Variants in MME observed in about 807,000 individuals in gnomAD.
The protein encoded by MME is neprilysin.
In MME, 98 loss-of-function variants were observed where a neutral mutation model predicts 113.2. The ratio of observed to expected loss-of-function variants is 0.87; its 90% CI spans 0.74 to 1.02. The LOEUF (loss-of-function observed/expected upper bound fraction) is 1.02. Among genes scored for constraint, MME ranks in the 50% least tolerant of loss-of-function variants. MME has a pLI of 0.00. For synonymous variants in MME, 292 were observed against 300.6 expected (o/e 0.97, Z 0.30); for missense variants, 836 against 896.0 (o/e 0.93, Z 0.86).
At chr3:155,106,284 G>A (rs1717677264) in intron 3 of MME, among the ~76,000 whole-genome samples, 1 of 152,192 alleles carries the variant, frequency 6.6e-6, no homozygotes, top group African/African-American at 2.4e-5. Flanking sequence ...CGTAACCAGT[G>A]GTTGACAGGG....
rs1299547962 is a variant in MME at position 155,181,284 on chromosome 3, A to G, written c.*825A>G. The G allele has an allele frequency of 6.6e-6, 1 of 152,118 alleles. No homozygotes were observed. The highest frequency in any genetic ancestry group is 1.5e-5 in the Non-Finnish European group (1 of 68,022). The allele number at this position is 152,118 out of a possible 1,614,324, so 9.4% of individuals were successfully genotyped here. On this transcript the variant is annotated 3_prime_UTR_variant, in exon 23 of 23. Coordinates refer to ENST00000360490, the MANE Select transcript of MME (RefSeq NM_007289.4). ...ATGAATATTGAAGTTTCAGCTTAAA[A>G]TAAACAGTTGTGAACCAAGATCTAT...
intron 1 of MME, chr3:155,083,895 G>C: frequency 2.4e-6 from 1 of 409,254 alleles, no homozygotes; most frequent in East Asian, 5.2e-5. Flanking sequence ...GTCTAATTTT[G>C]CTGAGATTTT....
intron 20 of MME, among the ~76,000 whole-genome samples, chr3:155,171,325 C>T (rs1233785512): frequency 1.3e-5 from 2 of 152,074 alleles, no homozygotes; most frequent in Non-Finnish European, 2.9e-5. Context: ...AGTAGAGGTT[C>T]AATAAGTCTA....
chr3:155,118,856 G>T (rs535557269), intron 8 of MME, 45 bp downstream of exon 8: 30 of 1,192,916 alleles, frequency 2.5e-5, no homozygotes, highest in East Asian at 2.2e-4. Flanking sequence ...AAAATGATCT[G>T]GTGTAAACCT....
At chr3:155,159,349 A>G (rs1399279932) in intron 16 of MME, among the ~76,000 whole-genome samples, 2 of 152,046 alleles carry the variant, frequency 1.3e-5, no homozygotes, top group Non-Finnish European at 2.9e-5. Flanking sequence ...GAACAACTGC[A>G]GTGAAGCCAT....
intron 8 of MME, among the ~76,000 whole-genome samples, chr3:155,134,793 G>A (rs1209468005): frequency 1.3e-5 from 2 of 152,078 alleles, no homozygotes; most frequent in Admixed American, 1.3e-4. Context: ...AGCCTCACCA[G>A]CATCTGTTCA....
In MME at chr3:155,180,520, T is replaced by C. The variant is rs1041454798; in HGVS notation, c.*61T>C. 29 of 1,336,300 alleles carry C rather than the reference T, an allele frequency of 2.2e-5. No individual in the cohort carries two copies. Among genetic ancestry groups the C allele is most frequent in the Non-Finnish European group, 3.0e-5 (28 of 927,910 alleles). 82.8% of individuals were successfully genotyped at this position (1,336,300 alleles called of 1,614,324 possible). On this transcript the variant is annotated 3_prime_UTR_variant, in exon 23 of 23. Transcript: ENST00000360490. Reference sequence around the variant, plus strand: ...TGCCAACACCACAGAAATGGGGAATTCTCTAATCGAAAGAAAATGGGCCCT... The same window carrying C: ...TGCCAACACCACAGAAATGGGGAATCCTCTAATCGAAAGAAAATGGGCCCT...
At chr3:155,056,578 T>G (rs1006115850) in intron 1 of MME, among the ~76,000 whole-genome samples, 8 of 150,864 alleles carry the variant, frequency 5.3e-5, no homozygotes, top group Admixed American at 4.6e-4. Context: ...AGTCTATCAT[T>G]GTTGGACATT....
At position 155,166,969 on chromosome 3, in the gene MME, G is replaced by A. The variant is rs1484172889; in HGVS notation, c.1728G>A (p.Gly576=). ...SAQQSNSLNY[G]GIGMVIGHEI... ...AGCAGTCCAACTCATTGAACTATGGGGGCATCGGCATGGTCATAGGACACG... is the reference window on the plus strand; with the variant it reads ...AGCAGTCCAACTCATTGAACTATGGAGGCATCGGCATGGTCATAGGACACG... The change falls in exon 18 of 23, where the codon GGG becomes GGA. Residue 576 remains glycine (G), a synonymous_variant. Transcript: ENST00000360490. The A allele has an allele frequency of 6.2e-7, 1 of 1,613,732 alleles. No homozygotes were observed. The highest frequency in any genetic ancestry group is 8.5e-7 in the Non-Finnish European group (1 of 1,179,772).
intron 17 of MME, among the ~76,000 whole-genome samples, chr3:155,164,914 A>G (rs1722978846): frequency 6.6e-6 from 1 of 152,158 alleles, no homozygotes; most frequent in Non-Finnish European, 1.5e-5. Flanking sequence ...AATTGCTCAG[A>G]TGCTTTTTGA....
In MME at chr3:155,125,793, G is replaced by A. The variant is rs938785933; in HGVS notation, c.720+6982G>A. On this transcript the variant is annotated intron_variant, in intron 8 of 22. Transcript: ENST00000360490. The stretch of plus-strand genomic sequence containing the variant: ...TTCTTACAGAAAGTAAGGAACAGCA[G>A]GAGACAAAACTAATAATCTTACACG... Among the ~76,000 whole-genome samples, 5 of 152,018 alleles carry A rather than the reference G, an allele frequency of 3.3e-5. No homozygotes were observed. The South Asian group carries it at 8.3e-4, about 25-fold the overall frequency.
chr3:155,159,843 T>A (rs1053924033), intron 16 of MME, among the ~76,000 whole-genome samples: 5 of 152,034 alleles, frequency 3.3e-5, no homozygotes, highest in Non-Finnish European at 7.4e-5. Flanking sequence ...CTCAATTAGC[T>A]GGAATGTTGT....
intron 3 of MME, among the ~76,000 whole-genome samples, chr3:155,100,232 G>T (rs1462542587): frequency 1.3e-5 from 2 of 152,166 alleles, no homozygotes; most frequent in African/African-American, 4.8e-5. Flanking sequence ...CCATCAAAAA[G>T]TGGGCAAAGG....
intron 22 of MME, among the ~76,000 whole-genome samples, chr3:155,177,211 T>C (rs1712628855): frequency 6.6e-6 from 1 of 152,094 alleles, no homozygotes; most frequent in Non-Finnish European, 1.5e-5. Context: ...AAAAAATCCT[T>C]TGGAAAAAAT....
chr3:155,074,662 C>T (rs1214045196), intron 1 of MME, among the ~76,000 whole-genome samples: 2 of 152,054 alleles, frequency 1.3e-5, no homozygotes, highest in African/African-American at 4.8e-5. Context: ...GAACTCCTGA[C>T]CTCAAGTGAT....
chr3:155,063,177 T>C (rs898611380), intron 1 of MME, among the ~76,000 whole-genome samples: 1 of 132,216 alleles, frequency 7.6e-6, no homozygotes, highest in Non-Finnish European at 1.6e-5. Context: ...ATATATTATA[T>C]ACTTTGTAAT....
In MME at chr3:155,116,777, CT is replaced by C. The variant is rs1559928352; in HGVS notation, c.535+19del. On this transcript the variant is annotated intron_variant, in intron 6 of 22. Coordinates refer to ENST00000360490, the MANE Select transcript of MME (RefSeq NM_007289.4). ...AAAATATGGTAAGGCAATTTTCCTACTAAAAAAGAAATTTCCATGTAAAATC... is the reference window on the plus strand; with the variant it reads ...AAAATATGGTAAGGCAATTTTCCTACAAAAAAGAAATTTCCATGTAAAATC... 1.2e-6 allele frequency: 2 copies of C among 1,601,014 alleles called. No homozygotes were observed. Among genetic ancestry groups the C allele is most frequent in the Non-Finnish European group, 1.7e-6 (2 of 1,168,568 alleles).
intron 1 of MME, among the ~76,000 whole-genome samples, chr3:155,034,571 A>G (rs977845195): frequency 2.6e-5 from 4 of 152,192 alleles, no homozygotes; most frequent in Non-Finnish European, 5.9e-5. Flanking sequence ...AATATCTGTG[A>G]TTGATTAGAT....
chr3:155,165,086 G>T (rs2108359649), intron 17 of MME, among the ~76,000 whole-genome samples: 1 of 152,166 alleles, frequency 6.6e-6, no homozygotes, highest in Non-Finnish European at 1.5e-5. Flanking sequence ...TTAATGTCCT[G>T]CATAGCAATG....
Sources: allele counts gnomAD v4.1 joint callset (sites outside exome capture counted in the v4.1 genomes callset), GRCh38; gene constraint gnomAD v4.1.1; transcripts MANE v1.5; gene names NCBI Gene and HGNC (gene_info 2026-07-23, HGNC 2026-07-21).